TMPRSS9: variants seen among roughly 807,000 people sequenced by gnomAD.
The protein encoded by TMPRSS9 is transmembrane protease serine 9.
A neutral mutation model predicts 111.4 loss-of-function variants in TMPRSS9; 113 were observed. That is an observed-to-expected ratio of 1.01 (90% CI 0.87 to 1.19). The LOEUF is 1.19. Among genes scored for constraint, TMPRSS9 ranks in the 50% most tolerant of loss-of-function variants. TMPRSS9 has a pLI of 0.00. For synonymous variants in TMPRSS9, 805 were observed against 659.1 expected (o/e 1.22, Z -3.39); for missense variants, 1,803 against 1,513.1 (o/e 1.19, Z -3.18).
rs187399610 is a variant in TMPRSS9 at position 2,391,195 on chromosome 19, A to C, written c.142+1268A>C. On this transcript the variant is annotated intron_variant, in intron 1 of 17. Transcript: ENST00000648592. The stretch of plus-strand genomic sequence containing the variant: ...GCAGAGATTGCAGTGAGCCGAGATC[A>C]TGCCCTTGCAGTCCAGCCTGGGCAA... 8.5e-4 allele frequency among the ~76,000 whole-genome samples: 108 copies of C among 127,180 alleles called. 1 individual carries two copies. The highest frequency in any genetic ancestry group is 3.0e-3 in the African/African-American group (100 of 33,800). The allele number at this position is 127,180 out of a possible 152,430, so 83.4% of individuals were successfully genotyped here.
chr19:2,410,161 G>A, intron 8 of TMPRSS9, 97 bp from the exon 10 acceptor site: 1 of 1,539,610 alleles, frequency 6.5e-7, no homozygotes, highest in Non-Finnish European at 8.8e-7. Context: ...GGAAACTGAG[G>A]GAGGCTTGGA....
intron 1 of TMPRSS9, among the ~76,000 whole-genome samples, chr19:2,372,942 C>T (rs1970301669): frequency 6.6e-6 from 1 of 152,112 alleles, no homozygotes. Flanking sequence ...AGTGATCTTC[C>T]TGCCTCAGCC....
At chr19:2,378,273 GTGACAAC>G (rs1970355045) in intron 1 of TMPRSS9, among the ~76,000 whole-genome samples, 2 of 152,154 alleles carry the variant, frequency 1.3e-5, no homozygotes, top group Admixed American at 6.6e-5. Context: ...TACTTATAGG[GTGACAAC>G]TGTCCTGGTT....
intron 1 of TMPRSS9, among the ~76,000 whole-genome samples, chr19:2,367,685 T>G (rs1375464409): frequency 6.6e-6 from 1 of 151,850 alleles, no homozygotes; most frequent in East Asian, 1.9e-4. Context: ...TGCCTCAGCC[T>G]CCCAAGTAGC....
chr19:2,418,109 T>C (rs1971293672), exon 13 of TMPRSS9: 1 of 1,612,098 alleles, frequency 6.2e-7, no homozygotes, highest in Non-Finnish European at 8.5e-7. Flanking sequence ...CTGCGCAGGC[T>C]TCCTGGAAGG....
At chr19:2,419,841 A>T (rs539702211) in intron 13 of TMPRSS9, among the ~76,000 whole-genome samples, 2 of 152,124 alleles carry the variant, frequency 1.3e-5, no homozygotes, top group Admixed American at 6.6e-5. Context: ...CAGATTTCTG[A>T]AGGGCTCAAC....
chr19:2,381,494 C>T (rs1460637792), intron 1 of TMPRSS9, among the ~76,000 whole-genome samples: 5 of 151,978 alleles, frequency 3.3e-5, no homozygotes, highest in South Asian at 2.1e-4. Context: ...TTCTCTGGCT[C>T]GTCTGAAGGC....
intron 1 of TMPRSS9, among the ~76,000 whole-genome samples, chr19:2,373,110 G>A (rs558715745): frequency 1.1e-4 from 16 of 152,278 alleles, no homozygotes; most frequent in Non-Finnish European, 2.1e-4. Flanking sequence ...TGGGATTACA[G>A]GCATGAGCCA....
chr19:2,386,963 G>A (rs755886094), upstream of TMPRSS9, among the ~76,000 whole-genome samples: 1 of 152,212 alleles, frequency 6.6e-6, no homozygotes, highest in Admixed American at 6.5e-5. Context: ...CAGTGCACCT[G>A]TGGTCCCAGC....
chr19:2,391,860 G>A (rs571648974), intron 1 of TMPRSS9, among the ~76,000 whole-genome samples: 13 of 151,384 alleles, frequency 8.6e-5, no homozygotes, highest in African/African-American at 3.2e-4. Flanking sequence ...TCCTGCCTCA[G>A]CCTCCTGGGT....
rs151128246 is a variant in TMPRSS9 at position 2,412,859 on chromosome 19, G to A, written c.1255-841G>A. Among the ~76,000 whole-genome samples the A allele has an allele frequency of 9.9e-3, 1,513 of 152,218 alleles. 23 individuals are homozygous for A. Among genetic ancestry groups the A allele is most frequent in the African/African-American group, 0.033 (1,388 of 41,552 alleles). On this transcript the variant is annotated intron_variant, in intron 9 of 17. Coordinates refer to ENST00000648592, the Ensembl canonical transcript of TMPRSS9. Reference sequence around the variant, plus strand: ...GATTGCCATATTGAAACCAGAATCTGGAGAAAATGCTAGGAACTAATGAGA... The same window carrying A: ...GATTGCCATATTGAAACCAGAATCTAGAGAAAATGCTAGGAACTAATGAGA...
intron 4 of TMPRSS9, among the ~76,000 whole-genome samples, chr19:2,399,689 G>C (rs114225968): frequency 0.01 from 1,525 of 152,222 alleles, 25 homozygotes; most frequent in African/African-American, 0.035. Context: ...GTTGTGTTGT[G>C]TTGTCTTGTC....
chr19:2,362,543 GATGGCTTTGTGTGGTTGTGT>G (rs376809126), intron 1 of TMPRSS9, among the ~76,000 whole-genome samples: 2,443 of 151,940 alleles, frequency 0.016, 68 homozygotes, highest in African/African-American at 0.056. Flanking sequence ...TGATTTTGTG[GATGGCTTTGTGTGGTTGTGT>G]ATGGTTGTAT....
exon 1 of TMPRSS9, chr19:2,389,807 G>A (rs1400233152): frequency 3.7e-6 from 6 of 1,613,588 alleles, no homozygotes; most frequent in Non-Finnish European, 1.7e-6. Flanking sequence ...TGTGGCTGAC[G>A]TACACCTCGT....
intron 1 of TMPRSS9, among the ~76,000 whole-genome samples, chr19:2,362,064 C>T (rs965273785): frequency 6.6e-6 from 1 of 151,754 alleles, no homozygotes; most frequent in Non-Finnish European, 1.5e-5. Context: ...TCTGTAGCTG[C>T]ATATGGCCAT....
exon 16 of TMPRSS9, chr19:2,425,146 G>A (rs2145427977): frequency 3.2e-6 from 5 of 1,577,984 alleles, no homozygotes; most frequent in Non-Finnish European, 4.3e-6. Context: ...CGCTGCTGGA[G>A]CTGGCGGGGC....
intron 1 of TMPRSS9, among the ~76,000 whole-genome samples, chr19:2,392,582 C>G (rs1970620360): frequency 6.6e-6 from 1 of 152,148 alleles, no homozygotes; most frequent in African/African-American, 2.4e-5. Context: ...GCGAAGCCAG[C>G]TGGGCTCCTG....
chr19:2,383,815 A>G (rs769241062), intron 1 of TMPRSS9, among the ~76,000 whole-genome samples: 14 of 151,480 alleles, frequency 9.2e-5, no homozygotes, highest in Middle Eastern at 3.4e-3. Context: ...TCAAAACAAT[A>G]AAAATAAATA....
chr19:2,417,359 G>A (rs553621421), intron 12 of TMPRSS9, among the ~76,000 whole-genome samples: 6 of 151,938 alleles, frequency 3.9e-5, no homozygotes, highest in East Asian at 1.9e-4. Context: ...CCAGCTACTC[G>A]GGAGGCTGAG....
Sources: allele counts gnomAD v4.1 joint callset (sites outside exome capture counted in the v4.1 genomes callset), GRCh38; gene constraint gnomAD v4.1.1; transcripts MANE v1.5; gene names NCBI Gene and HGNC (gene_info 2026-07-23, HGNC 2026-07-21).